TTC39A: variants seen among roughly 807,000 people sequenced by gnomAD.
The protein encoded by TTC39A is tetratricopeptide repeat domain 39A.
In TTC39A, 46 loss-of-function variants were observed where a neutral mutation model predicts 82.3. The ratio of observed to expected loss-of-function variants is 0.56; its 90% CI spans 0.44 to 0.71. The LOEUF (loss-of-function observed/expected upper bound fraction) is 0.71, where lower values mean the gene tolerates loss of function less well. TTC39A is among the 30% of genes least tolerant of loss of function. TTC39A has a pLI of 0.00. For missense variants in TTC39A, 543 were observed against 712.9 expected (o/e 0.76, Z 2.71); for synonymous variants, 254 against 275.2 (o/e 0.92, Z 0.76).
chr1:51,303,217 G>C, intron 8 of TTC39A, 25 bp from the exon 9 acceptor site: 1 of 1,511,822 alleles, frequency 6.6e-7, no homozygotes, highest in Non-Finnish European at 9.0e-7. Flanking sequence ...GGGTGGGTGA[G>C]GCTCCCAGAG....
At chr1:51,342,701 A>G (rs1646051753) in intron 1 of TTC39A, among the ~76,000 whole-genome samples, 1 of 152,114 alleles carries the variant, frequency 6.6e-6, no homozygotes, top group Non-Finnish European at 1.5e-5. Flanking sequence ...ACTGGGAGTA[A>G]AGAATTCTCT....
Position 51,312,181 on chromosome 1 carries a change from G to C in TTC39A, c.293C>G (p.Ser98Cys), listed in dbSNP as rs377739437. 1.2e-6 allele frequency: 2 copies of C among 1,608,780 alleles called. No homozygotes were observed. The highest frequency in any genetic ancestry group is 1.7e-6 in the Non-Finnish European group (2 of 1,177,806). ...QMLCQRHRRK[S>C]SVTDSFSSLV... The stretch of plus-strand genomic sequence containing the variant: ...GCTGCTGAAGGAATCTGTTACAGAA[G>C]ACTTCCTCCGGTGCCTGAAGAGGAA... Residue 98 changes from serine to cysteine, a missense_variant, in exon 4 of 18, where the codon TCT (serine) becomes TGT (cysteine). By Grantham distance (112) the Ser-to-Cys change is moderately radical. Transcript: ENST00000680483.
At chr1:51,341,445 T>C (rs950288251) in intron 1 of TTC39A, among the ~76,000 whole-genome samples, 4 of 152,130 alleles carry the variant, frequency 2.6e-5, no homozygotes, top group Admixed American at 6.6e-5. Flanking sequence ...TTACAGGAAA[T>C]GTGGTGTGCT....
At chr1:51,330,672 C>T (rs1051716457), upstream of TTC39A, 3 of 961,398 alleles carry the variant, frequency 3.1e-6, no homozygotes, top group African/African-American at 5.3e-5. The surrounding 1 kb of genome is among the most constrained non-coding windows in gnomAD (Gnocchi z 4.5). Flanking sequence ...TGGCCGCCCG[C>T]GGCGACCCGC....
chr1:51,290,636 G>T lies in TTC39A; in HGVS notation c.1267-11C>A. 1.2e-6 allele frequency: 2 copies of T among 1,608,704 alleles called. No individual in the cohort carries two copies. The highest frequency in any genetic ancestry group is 1.7e-6 in the Non-Finnish European group (2 of 1,177,252). On this transcript the variant is annotated splice_polypyrimidine_tract_variant and intron_variant, in intron 14 of 17. Coordinates refer to ENST00000680483, the MANE Select transcript of TTC39A (RefSeq NM_001297663.2). ...GATGTACATCATTTCCTGAAGGCAG[G>T]GGGGCAAGTCAGTCCTAGGTTTCTT...
At chr1:51,304,762 AGGGAG>A in intron 8 of TTC39A, among the ~76,000 whole-genome samples, 1 of 152,212 alleles carries the variant, frequency 6.6e-6, no homozygotes, top group South Asian at 2.1e-4. Context: ...GGCAGTATCT[AGGGAG>A]AGAGGGACCA....
intron 1 of TTC39A, chr1:51,322,088 C>T: frequency 6.4e-7 from 1 of 1,550,400 alleles, no homozygotes; most frequent in East Asian, 2.4e-5. Context: ...GGGCAAGGTG[C>T]AAAGAGGCCT....
chr1:51,330,998 G>C, upstream of TTC39A: 1 of 684,922 alleles, frequency 1.5e-6, no homozygotes, highest in Non-Finnish European at 2.6e-6. This position sits in a 1 kb window ranked among gnomAD's most constrained non-coding sequence, Gnocchi z 4.5. Context: ...CGCCCACTGA[G>C]TGACTGCAGG....
At chr1:51,310,215 C>T (rs951952172) in intron 5 of TTC39A, among the ~76,000 whole-genome samples, 5 of 152,026 alleles carry the variant, frequency 3.3e-5, no homozygotes, top group Non-Finnish European at 5.9e-5. Context: ...CCGGCCTGGG[C>T]GACAGAGCAA....
intron 6 of TTC39A, among the ~76,000 whole-genome samples, chr1:51,306,303 G>A (rs1644865633): frequency 6.6e-6 from 1 of 152,184 alleles, no homozygotes; most frequent in African/African-American, 2.4e-5. Context: ...ACTCAGCCAT[G>A]GGCAGCTTCT....
intron 1 of TTC39A, among the ~76,000 whole-genome samples, chr1:51,336,874 A>C (rs1645981112): frequency 6.6e-6 from 1 of 152,190 alleles, no homozygotes; most frequent in South Asian, 2.1e-4. Flanking sequence ...ACTGCTGGTG[A>C]CAATAGAAAT....
At chr1:51,336,001 C>T (rs1419371869), upstream of TTC39A, among the ~76,000 whole-genome samples, 2 of 152,036 alleles carry the variant, frequency 1.3e-5, no homozygotes, top group South Asian at 4.2e-4. Flanking sequence ...CCCCTTCCCC[C>T]AGGCCTTTCC....
intron 3 of TTC39A, among the ~76,000 whole-genome samples, chr1:51,312,463 C>T (rs1645121171): frequency 1.3e-5 from 2 of 152,214 alleles, no homozygotes; most frequent in Admixed American, 1.3e-4. Flanking sequence ...CTGGTCAACC[C>T]GCTTCCTGGC....
chr1:51,344,863 A>C, intron 1 of TTC39A: 1 of 1,207,902 alleles, frequency 8.3e-7, no homozygotes, highest in African/African-American at 1.6e-5. Flanking sequence ...GCCGACCCCC[A>C]CGCCCAGCAG....
intron 6 of TTC39A, among the ~76,000 whole-genome samples, chr1:51,308,470 C>A (rs752567605): frequency 7.2e-5 from 11 of 152,194 alleles, no homozygotes; most frequent in Non-Finnish European, 1.2e-4. Flanking sequence ...GAACTCCTGG[C>A]CTCAGGTGAT....
rs372694603 is a variant in TTC39A at position 51,317,083 on chromosome 1, G to A, written c.147-4140C>T. ...CAGAGACAATGCTACTCAAAGGCAT[G>A]ACTTATGGAAAGCAGAGGCAAGGCG... On this transcript the variant is annotated intron_variant, in intron 2 of 17. Transcript: ENST00000680483. Among the ~76,000 whole-genome samples the A allele has an allele frequency of 5.3e-5, 8 of 152,222 alleles. No homozygotes were observed. The East Asian group carries it at 1.5e-3, about 29-fold the overall frequency.
At position 51,318,767 on chromosome 1, in the gene TTC39A, G is replaced by A. The variant is rs576788619; in HGVS notation, c.146+2954C>T. 4.6e-5 allele frequency among the ~76,000 whole-genome samples: 7 copies of A among 152,250 alleles called. No homozygotes were observed. The South Asian group carries it at 8.3e-4, about 18-fold the overall frequency. On this transcript the variant is annotated intron_variant, in intron 2 of 17. Coordinates refer to ENST00000680483, the MANE Select transcript of TTC39A (RefSeq NM_001297663.2). ...TCTCTGTCCAGGCTGAGAAATGGAC[G>A]ACTCCTCTCTGGAGAAGTTAAGCCA...
At chr1:51,302,091 C>A (rs772273635) in intron 11 of TTC39A, 1 of 720,382 alleles carries the variant, frequency 1.4e-6, no homozygotes, top group Non-Finnish European at 2.6e-6. Context: ...TCAAGCACCT[C>A]CCTCCACCTC....
chr1:51,329,915 A>G (rs1024071307), intron 1 of TTC39A: 1 of 157,110 alleles, frequency 6.4e-6, no homozygotes, highest in African/African-American at 2.4e-5. Context: ...TTCCTGCTGC[A>G]CCCAATGGGC....
Sources: gnomAD v4.1 joint callset for allele counts (sites outside exome capture counted in the v4.1 genomes callset) on GRCh38, gnomAD v4.1.1 for gene constraint, Gnocchi (gnomAD v3.1) non-coding constraint, MANE v1.5 for transcripts, NCBI Gene and HGNC (gene_info 2026-07-23, HGNC 2026-07-21) for gene names.